ARL15: variants seen among roughly 807,000 people sequenced by gnomAD.
The protein encoded by ARL15 is ARF like GTPase 15, also known as ADP-ribosylation factor-like protein 15.
In ARL15, 19 loss-of-function variants were observed where a neutral mutation model predicts 25.2. The ratio of observed to expected loss-of-function variants is 0.75; its 90% CI spans 0.53 to 1.10. The LOEUF (loss-of-function observed/expected upper bound fraction) is 1.10. Ranked by LOEUF, ARL15 falls within the 50% of genes least tolerant of loss-of-function variation. ARL15 has a pLI of 0.00. For missense variants in ARL15, 220 were observed against 246.0 expected (o/e 0.89, Z 0.71); for synonymous variants, 94 against 86.8 (o/e 1.08, Z -0.46).
chr5:54,190,146 C>G (rs533738938), intron 1 of ARL15, among the ~76,000 whole-genome samples: 1 of 152,180 alleles, frequency 6.6e-6, no homozygotes, highest in East Asian at 1.9e-4. Flanking sequence ...AATTCCAGCA[C>G]TTTGGGAGTC....
intron 4 of ARL15, among the ~76,000 whole-genome samples, chr5:54,092,922 A>G (rs980374837): frequency 2.0e-5 from 3 of 152,240 alleles, no homozygotes; most frequent in Admixed American, 6.5e-5. Flanking sequence ...ACAATATATC[A>G]TAAATTTTAA....
At chr5:54,108,220 T>C (rs1014868568) in intron 4 of ARL15, among the ~76,000 whole-genome samples, 5 of 152,118 alleles carry the variant, frequency 3.3e-5, no homozygotes, top group African/African-American at 7.2e-5. Flanking sequence ...CAGTGGAAAA[T>C]TGACTTCCAA....
At chr5:54,116,640 T>C (rs922861758) in intron 3 of ARL15, among the ~76,000 whole-genome samples, 6 of 152,172 alleles carry the variant, frequency 3.9e-5, no homozygotes, top group Non-Finnish European at 7.4e-5. Context: ...ATGGCTGCAA[T>C]TGACAAACTA....
intron 4 of ARL15, among the ~76,000 whole-genome samples, chr5:54,018,927 A>G (rs31127): frequency 0.72 from 109,224 of 152,010 alleles, 39,560 homozygotes; most frequent in East Asian, 0.84. Flanking sequence ...TTTTTTCTAT[A>G]ATCTGCACAA....
At chr5:54,228,118 A>G (rs1408796405) in intron 1 of ARL15, among the ~76,000 whole-genome samples, 2 of 152,176 alleles carry the variant, frequency 1.3e-5, no homozygotes, top group Non-Finnish European at 2.9e-5. Flanking sequence ...CAGATGGCTA[A>G]TTTCTAAGGT....
intron 1 of ARL15, among the ~76,000 whole-genome samples, chr5:54,253,656 A>T (rs1305837192): frequency 6.6e-6 from 1 of 151,910 alleles, no homozygotes; most frequent in Non-Finnish European, 1.5e-5. Context: ...CAATGGCGTG[A>T]TCACAGATCC....
chr5:53,929,173 A>C, intron 4 of ARL15, among the ~76,000 whole-genome samples: 1 of 14,560 alleles, frequency 6.9e-5, no homozygotes, highest in East Asian at 1.3e-3. Flanking sequence ...TAAGTTCCAA[A>C]AAAAAAAAAA....
intron 4 of ARL15, among the ~76,000 whole-genome samples, chr5:54,062,889 GA>G (rs2112036827): frequency 6.6e-6 from 1 of 152,294 alleles, no homozygotes; most frequent in East Asian, 1.9e-4. Flanking sequence ...GCTAGTGGAG[GA>G]TGTGAATTTT....
At position 54,250,274 on chromosome 5, in the gene ARL15, C is replaced by T. The variant is rs138994093; in HGVS notation, c.48+60158G>A. Among the ~76,000 whole-genome samples, 8 of 152,248 alleles carry T rather than the reference C, an allele frequency of 5.3e-5. No individual in the cohort carries two copies. The East Asian group carries it at 1.6e-3, about 30-fold the overall frequency. On this transcript the variant is annotated intron_variant, in intron 1 of 4. Coordinates refer to ENST00000504924, the MANE Select transcript of ARL15 (RefSeq NM_019087.3). ...AAATCAACCATAAGAAATCCACCCC[C>T]ACAATCCAACCACCCCTACCAGGCC...
At chr5:54,034,365 C>A (rs895899067) in intron 4 of ARL15, among the ~76,000 whole-genome samples, 1 of 152,054 alleles carries the variant, frequency 6.6e-6, no homozygotes, top group African/African-American at 2.4e-5. Context: ...TACTATGGAC[C>A]CTAACATTCT....
chr5:53,928,411 C>T (rs562078255), intron 4 of ARL15, among the ~76,000 whole-genome samples: 6 of 152,212 alleles, frequency 3.9e-5, no homozygotes, highest in Admixed American at 3.9e-4. Context: ...TTTTTACTTC[C>T]AATTCTCCAA....
intron 4 of ARL15, among the ~76,000 whole-genome samples, chr5:53,986,228 T>G (rs1451280393): frequency 6.6e-6 from 1 of 152,206 alleles, no homozygotes; most frequent in Non-Finnish European, 1.5e-5. Flanking sequence ...TTCTTTCAAG[T>G]GATCATGACT....
intron 4 of ARL15, among the ~76,000 whole-genome samples, chr5:53,891,656 C>A (rs1410987571): frequency 1.3e-5 from 2 of 152,290 alleles, no homozygotes; most frequent in Non-Finnish European, 2.9e-5. Flanking sequence ...CCATTCTCCC[C>A]CAGATCACCC....
At chr5:53,915,426 A>G (rs1745609005) in intron 4 of ARL15, among the ~76,000 whole-genome samples, 1 of 152,254 alleles carries the variant, frequency 6.6e-6, no homozygotes, top group South Asian at 2.1e-4. Context: ...GTGGGAACAC[A>G]GAAGAGGGTG....
intron 3 of ARL15, among the ~76,000 whole-genome samples, chr5:54,128,600 A>G (rs2112268653): frequency 6.6e-6 from 1 of 152,298 alleles, no homozygotes; most frequent in Non-Finnish European, 1.5e-5. Flanking sequence ...ATGAGCTCAC[A>G]GTCTCACAGG....
At chr5:53,985,722 T>TGCC (rs1748275977) in intron 4 of ARL15, among the ~76,000 whole-genome samples, 1 of 152,224 alleles carries the variant, frequency 6.6e-6, no homozygotes, top group East Asian at 1.9e-4. Context: ...CGCTGATGGA[T>TGCC]ACTTGGGTTG....
chr5:53,954,338 G>A (rs1747074131), intron 4 of ARL15, among the ~76,000 whole-genome samples: 1 of 152,172 alleles, frequency 6.6e-6, no homozygotes, highest in African/African-American at 2.4e-5. Context: ...CAAGCCCTCT[G>A]CCAAGGTGTA....
chr5:54,249,672 CAAA>C (rs11437578), intron 1 of ARL15, among the ~76,000 whole-genome samples: 935 of 72,614 alleles, frequency 0.013, 13 homozygotes, highest in African/African-American at 0.034. Context: ...TGGTTAAGAG[CAAA>C]AAAAAAAAAA....
chr5:54,167,879 C>T (rs1395474754), intron 2 of ARL15, among the ~76,000 whole-genome samples: 1 of 152,168 alleles, frequency 6.6e-6, no homozygotes, highest in Non-Finnish European at 1.5e-5. Context: ...CCTCAATACT[C>T]TACTGAAACT....
Sources: allele counts gnomAD v4.1 joint callset (sites outside exome capture counted in the v4.1 genomes callset), GRCh38; gene constraint gnomAD v4.1.1; transcripts MANE v1.5; gene names NCBI Gene and HGNC (gene_info 2026-07-23, HGNC 2026-07-21).